CTNNA2: variants seen among roughly 807,000 people sequenced by gnomAD.
CTNNA2 encodes the protein catenin alpha 2, also known as catenin alpha-2.
Under a neutral mutation model 101.0 loss-of-function variants are expected in CTNNA2, and 42 were observed. The observed-to-expected ratio is 0.42, with a 90% CI of 0.32 to 0.54. The LOEUF is 0.54. Ranked by LOEUF, CTNNA2 falls within the 20% of genes least tolerant of loss-of-function variation. The pLI, the probability that CTNNA2 is intolerant of heterozygous loss-of-function variation, is 0.14. For synonymous variants in CTNNA2, 450 were observed against 456.4 expected (o/e 0.99, Z 0.18); for missense variants, 871 against 1,223.1 (o/e 0.71, Z 4.29).
At chr2:79,982,099 C>A (rs550515852) in intron 7 of CTNNA2, among the ~76,000 whole-genome samples, 1 of 148,468 alleles carries the variant, frequency 6.7e-6, no homozygotes, top group African/African-American at 2.5e-5. Flanking sequence ...AGTGCAGTGG[C>A]ATGATCACAG....
intron 1 of CTNNA2, among the ~76,000 whole-genome samples, chr2:79,530,237 G>A (rs180679088): frequency 1.1e-3 from 161 of 152,210 alleles, no homozygotes; most frequent in Non-Finnish European, 2.0e-3. Flanking sequence ...AAGCTAAACT[G>A]TAACTCTTGT....
Position 80,619,811 on chromosome 2 carries a change from G to A in CTNNA2, c.2574+583G>A, listed in dbSNP as rs200609926. Among the ~76,000 whole-genome samples the A allele has an allele frequency of 2.6e-5, 4 of 152,016 alleles. No homozygotes were observed. In the East Asian group the frequency reaches 7.8e-4, roughly 30 times the overall value. On this transcript the variant is annotated intron_variant, in intron 18 of 18. Coordinates refer to ENST00000402739, the MANE Select transcript of CTNNA2 (RefSeq NM_001282597.3). ...AAGTTTAAGGTCACAGCCATTTCAAGGTGTCACAGCCAGATTTACTACCCA... is the reference window on the plus strand; with the variant it reads ...AAGTTTAAGGTCACAGCCATTTCAAAGTGTCACAGCCAGATTTACTACCCA...
intron 2 of CTNNA2, among the ~76,000 whole-genome samples, chr2:79,699,025 A>G (rs1457603301): frequency 6.6e-6 from 1 of 152,058 alleles, no homozygotes; most frequent in African/African-American, 2.4e-5. Context: ...GTGAACTGAT[A>G]CATTTTTGGC....
chr2:79,721,543 C>A (rs1300669565), intron 2 of CTNNA2, among the ~76,000 whole-genome samples: 1 of 152,194 alleles, frequency 6.6e-6, no homozygotes, highest in Non-Finnish European at 1.5e-5. Flanking sequence ...TCCTAGCAGC[C>A]TGTACGCTTC....
In CTNNA2 at chr2:80,555,718, C is replaced by G; in HGVS notation, c.1566C>G (p.Asn522Lys). 6.4e-7 allele frequency: 1 copy of G among 1,557,536 alleles called. No individual in the cohort carries two copies. Among genetic ancestry groups the G allele is most frequent in the Non-Finnish European group, 8.7e-7 (1 of 1,151,152 alleles). The change falls in exon 12 of 19, where the codon AAC becomes AAG. Residue 522 changes from asparagine (N) to lysine (K), a missense_variant. By Grantham distance (94) the Asn-to-Lys change is moderately conservative. Coordinates refer to ENST00000402739, the MANE Select transcript of CTNNA2 (RefSeq NM_001282597.3). ...AAAATCACATCTTGGAGGATGTGAA[C>G]AAGTGTGTGATAGCCCTCCAAGAGG... ...VSENHILEDV[N>K]KCVIALQEGD...
At chr2:79,413,157 T>C (rs13018931) in intron 4 of CTNNA2, among the ~76,000 whole-genome samples, 44,144 of 151,796 alleles carry the variant, frequency 0.29, 6,575 homozygotes, top group South Asian at 0.45. Flanking sequence ...ATTGTTGTCA[T>C]TTGCTTTTTT....
chr2:80,348,331 T>G (rs1573796291), intron 7 of CTNNA2, among the ~76,000 whole-genome samples: 1 of 152,330 alleles, frequency 6.6e-6, no homozygotes, highest in Middle Eastern at 3.4e-3. Flanking sequence ...AAGATTTGCT[T>G]AATTGAATTT....
intron 8 of CTNNA2, among the ~76,000 whole-genome samples, chr2:80,414,944 A>G (rs1185125215): frequency 2.6e-5 from 4 of 152,242 alleles, no homozygotes; most frequent in African/African-American, 9.6e-5. Context: ...TTGCATTTCT[A>G]ATAAGCTCCC....
intron 1 of CTNNA2, among the ~76,000 whole-genome samples, chr2:79,626,779 C>A (rs938353858): frequency 3.3e-5 from 5 of 151,502 alleles, no homozygotes; most frequent in Non-Finnish European, 5.9e-5. Context: ...AGCGAGACAA[C>A]ATGCGTTATA....
intron 2 of CTNNA2, among the ~76,000 whole-genome samples, chr2:79,247,038 A>T (rs184394167): frequency 2.0e-5 from 3 of 152,338 alleles, no homozygotes; most frequent in Non-Finnish European, 4.4e-5. Flanking sequence ...GTGCTGTTGC[A>T]GAAACCGGCA....
intron 7 of CTNNA2, among the ~76,000 whole-genome samples, chr2:80,148,083 G>C (rs1703463549): frequency 6.6e-6 from 1 of 152,068 alleles, no homozygotes; most frequent in African/African-American, 2.4e-5. Context: ...ACATAGCTCA[G>C]TTTATAATAT....
intron 11 of CTNNA2, among the ~76,000 whole-genome samples, chr2:80,552,156 A>C (rs1038362601): frequency 2.0e-5 from 3 of 152,190 alleles, no homozygotes; most frequent in African/African-American, 7.2e-5. Flanking sequence ...TGCAATAGTG[A>C]CAAAGATCAC....
chr2:79,557,249 G>T (rs1192869921), intron 1 of CTNNA2, among the ~76,000 whole-genome samples: 1 of 151,936 alleles, frequency 6.6e-6, no homozygotes, highest in East Asian at 1.9e-4. Context: ...CGTTAGGAGA[G>T]TTCAGGGCCT....
chr2:80,232,369 T>G (rs868476264), intron 7 of CTNNA2, among the ~76,000 whole-genome samples: 27,530 of 72,348 alleles, frequency 0.38, 4,620 homozygotes, highest in South Asian at 0.52. Flanking sequence ...TTTTTTTTTT[T>G]TTTTTTTTTT....
chr2:79,966,271 T>C (rs761124169), intron 7 of CTNNA2, among the ~76,000 whole-genome samples: 1 of 152,114 alleles, frequency 6.6e-6, no homozygotes, highest in Non-Finnish European at 1.5e-5. Flanking sequence ...GGTCTTGCTT[T>C]ATCACCCAGG....
At chr2:80,112,336 A>G (rs955118223) in intron 7 of CTNNA2, among the ~76,000 whole-genome samples, 1 of 152,238 alleles carries the variant, frequency 6.6e-6, no homozygotes, top group African/African-American at 2.4e-5. Context: ...CTCTCATTCA[A>G]TGGCAGAATT....
chr2:79,786,239 T>A (rs1674834095), intron 3 of CTNNA2, among the ~76,000 whole-genome samples: 1 of 152,032 alleles, frequency 6.6e-6, no homozygotes, highest in African/African-American at 2.4e-5. Flanking sequence ...AGACATGGTT[T>A]TTTTTTATTT....
intron 8 of CTNNA2, among the ~76,000 whole-genome samples, chr2:80,404,468 G>T (rs150027033): frequency 6.8e-4 from 103 of 152,250 alleles, no homozygotes; most frequent in Non-Finnish European, 1.2e-3. Flanking sequence ...CTTGAATAAG[G>T]TTATAATCTC....
At chr2:79,670,264 A>G (rs921886416) in intron 2 of CTNNA2, among the ~76,000 whole-genome samples, 10 of 152,198 alleles carry the variant, frequency 6.6e-5, no homozygotes, top group African/African-American at 2.4e-4. Flanking sequence ...GCGGCTGCAC[A>G]TGGAAGGGCA....
Sources: gnomAD v4.1 joint callset for allele counts (sites outside exome capture counted in the v4.1 genomes callset) on GRCh38, gnomAD v4.1.1 for gene constraint, MANE v1.5 for transcripts, NCBI Gene and HGNC (gene_info 2026-07-23, HGNC 2026-07-21) for gene names.